Variants in SCN4B observed in about 807,000 individuals in gnomAD.
The protein encoded by SCN4B is sodium voltage-gated channel beta subunit 4.
A neutral mutation model predicts 19.6 loss-of-function variants in SCN4B; 20 were observed. The ratio of observed to expected loss-of-function variants is 1.02; its 90% CI spans 0.72 to 1.48. The LOEUF is 1.48. Ranked by LOEUF, SCN4B falls within the 40% of genes most tolerant of loss-of-function variation. SCN4B has a pLI of 0.00. For synonymous variants in SCN4B, 127 were observed against 122.8 expected, an observed-to-expected ratio of 1.03 and a Z score of -0.22; for missense variants, 271 against 287.5, an observed-to-expected ratio of 0.94 and a Z score of 0.42.
Position 118,136,876 on chromosome 11 carries a change from G to A in SCN4B, c.*151C>T. The stretch of plus-strand genomic sequence containing the variant: ...TGACTGGGAAGGGGATGGGCAGGCT[G>A]GGCAGGACTCTGGTTTCTTGTGCCC... On this transcript the variant is annotated 3_prime_UTR_variant, in exon 5 of 5. Coordinates refer to ENST00000324727, the MANE Select transcript of SCN4B (RefSeq NM_174934.4). 1 of 702,288 alleles carries A rather than the reference G, an allele frequency of 1.4e-6. No individual in the cohort carries two copies. The highest frequency in any genetic ancestry group is 2.6e-6 in the Non-Finnish European group (1 of 384,236). The allele number at this position is 702,288 out of a possible 1,614,324, so 43.5% of individuals were successfully genotyped here. A position where few individuals can be genotyped will look rare whatever the true frequency, so the allele number is the denominator to read the frequency against.
In SCN4B at chr11:118,146,645, G is replaced by A. The variant is rs991711416; in HGVS notation, c.62-1416C>T. Among the ~76,000 whole-genome samples the A allele has an allele frequency of 7.2e-5, 11 of 152,070 alleles. No individual in the cohort carries two copies. The East Asian group carries it at 2.1e-3, about 29-fold the overall frequency. ...TGCCCTTAGCTTCTGATGACAAAGT[G>A]AAGTGCTTATATCCCCCAGCCCTAA... is the stretch of plus-strand genomic sequence containing the variant. On this transcript the variant is annotated intron_variant, in intron 1 of 4. Transcript: ENST00000324727.
Position 118,133,876 on chromosome 11 carries a change from G to A in SCN4B, c.*3151C>T, listed in dbSNP as rs1947952227. 1 of 454,454 alleles carries A rather than the reference G, an allele frequency of 2.2e-6. No individual in the cohort carries two copies. The highest frequency in any genetic ancestry group is 1.6e-5 in the South Asian group (1 of 64,480). 28.2% of individuals were successfully genotyped at this position (454,454 alleles called of 1,614,324 possible). ...GCCTTTGATTCTTTCTCAGTCTCCA[G>A]ATGCCTCAACAGGCATAGCTCAGGC... is the stretch of plus-strand genomic sequence containing the variant. On this transcript the variant is annotated 3_prime_UTR_variant, in exon 5 of 5. Coordinates refer to ENST00000324727, the MANE Select transcript of SCN4B (RefSeq NM_174934.4).
In SCN4B at chr11:118,133,516, C is replaced by T. The variant is rs1458607345; in HGVS notation, c.*3511G>A. On this transcript the variant is annotated 3_prime_UTR_variant, in exon 5 of 5. Transcript: ENST00000324727. ...GTGCTGGCTGTGTGGGCATCTGCGC[C>T]TCCCAGAGGCACTCGCACACCTGAG... 5.1e-5 allele frequency: 23 copies of T among 454,138 alleles called. No homozygotes were observed. The highest frequency in any genetic ancestry group is 8.4e-5 in the Non-Finnish European group (19 of 226,814). The allele number at this position is 454,138 out of a possible 1,614,324, so 28.1% of individuals were successfully genotyped here.
intron 1 of SCN4B, among the ~76,000 whole-genome samples, chr11:118,147,105 G>C (rs1181278765): frequency 1.3e-5 from 2 of 152,220 alleles, no homozygotes; most frequent in African/African-American, 4.8e-5. Context: ...TTTCGAGAAA[G>C]TTCCCAGGGA....
chr11:118,145,020 G>C, intron 2 of SCN4B, 37 bp downstream of exon 2: 1 of 1,605,036 alleles, frequency 6.2e-7, no homozygotes, highest in Non-Finnish European at 8.5e-7. Flanking sequence ...ATGGGTGAGG[G>C]AGGCTGGGCT....
intron 1 of SCN4B, chr11:118,145,846 G>T (rs1565457018): frequency 5.8e-6 from 1 of 171,894 alleles, no homozygotes; most frequent in Non-Finnish European, 1.3e-5. Context: ...GTTCGGGCTG[G>T]ACCTCGCTGG....
At chr11:118,141,701 T>G in intron 3 of SCN4B, 1 of 309,094 alleles carries the variant, frequency 3.2e-6, no homozygotes, top group East Asian at 7.8e-5. Flanking sequence ...CTAGACCCCT[T>G]TGCTCACACA....
intron 1 of SCN4B, among the ~76,000 whole-genome samples, chr11:118,150,265 T>C (rs555555568): frequency 4.3e-4 from 65 of 152,140 alleles, no homozygotes; most frequent in Non-Finnish European, 8.4e-4. Context: ...GGCAATAATA[T>C]AGCCTTGGAA....
At position 118,135,057 on chromosome 11, in the gene SCN4B, A is replaced by C. The variant is rs767751401; in HGVS notation, c.*1970T>G. 4.4e-6 allele frequency: 2 copies of C among 454,010 alleles called. No homozygotes were observed. Among genetic ancestry groups the C allele is most frequent in the Non-Finnish European group, 8.8e-6 (2 of 226,804 alleles). The allele number at this position is 454,010 out of a possible 1,614,324, so 28.1% of individuals were successfully genotyped here. ...AAGGTGCTCTGCCTCTTCAAATGTC[A>C]CCATTGAGAAGGAAGAAGAAAACAG... On this transcript the variant is annotated 3_prime_UTR_variant, in exon 5 of 5. Transcript: ENST00000324727.
rs1947967205 is a variant in SCN4B at position 118,134,544 on chromosome 11, C to T, written c.*2483G>A. On this transcript the variant is annotated 3_prime_UTR_variant, in exon 5 of 5. Coordinates refer to ENST00000324727, the MANE Select transcript of SCN4B (RefSeq NM_174934.4). The stretch of plus-strand genomic sequence containing the variant: ...TAGTGCCCCCACGCATGGGGGCAAC[C>T]AAAAATGCCCCCCCTACAATCTCAG... 1 of 453,904 alleles carries T rather than the reference C, an allele frequency of 2.2e-6. No individual in the cohort carries two copies. The highest frequency in any genetic ancestry group is 1.6e-5 in the South Asian group (1 of 64,480). The allele number at this position is 453,904 out of a possible 1,614,324, so 28.1% of individuals were successfully genotyped here.
chr11:118,139,991 GC>G (rs1565454520), intron 4 of SCN4B, among the ~76,000 whole-genome samples: 1 of 148,506 alleles, frequency 6.7e-6, no homozygotes, highest in Non-Finnish European at 1.5e-5. Flanking sequence ...TCCTGCCTCA[GC>G]CCCCCAGGGA....
At chr11:118,147,033 GCTGGCTCCGCCCAGCCC>G in intron 1 of SCN4B, among the ~76,000 whole-genome samples, 1 of 152,246 alleles carries the variant, frequency 6.6e-6, no homozygotes, top group Non-Finnish European at 1.5e-5. Context: ...AACAGTTACG[GCTGGCTCCGCCCAGCCC>G]CTGGAGTTCT....
In SCN4B at chr11:118,141,283, C is replaced by T; in HGVS notation, c.517G>A (p.Val173Ile). 6.2e-7 allele frequency: 1 copy of T among 1,612,644 alleles called. No individual in the cohort carries two copies. Among genetic ancestry groups the T allele is most frequent in the African/African-American group, 1.3e-5 (1 of 74,946 alleles). The change falls in exon 4 of 5, where the codon GTC becomes ATC. Residue 173 changes from valine (V) to isoleucine (I), a missense_variant. By Grantham distance (29) the Val-to-Ile change is conservative (BLOSUM62 3). Transcript: ENST00000324727. ...TLIILAVVGG[V>I]IGLLILILLI... is the part of the protein sequence containing the mutation. ...AGGATGAGGATGAGGAGCCCGATGA[C>T]CCCGCCCACGACAGCCAGGATGATG... is the stretch of plus-strand genomic sequence containing the variant.
Position 118,134,608 on chromosome 11 carries a change from A to G in SCN4B, c.*2419T>C. On this transcript the variant is annotated 3_prime_UTR_variant, in exon 5 of 5. Coordinates refer to ENST00000324727, the MANE Select transcript of SCN4B (RefSeq NM_174934.4). ...AAACCATCAAACAAAAGCCATGGAC[A>G]AGAAGCTTTAAGCATCAGAGTCAAG... 1 of 454,108 alleles carries G rather than the reference A, an allele frequency of 2.2e-6. No homozygotes were observed. Among genetic ancestry groups the G allele is most frequent in the Non-Finnish European group, 4.4e-6 (1 of 226,782 alleles). The allele number at this position is 454,108 out of a possible 1,614,324, so 28.1% of individuals were successfully genotyped here. A position where few individuals can be genotyped will look rare whatever the true frequency, so the allele number is the denominator to read the frequency against.
chr11:118,147,540 CTCCATAGAACTCCTGCCTTTCTGT>C (rs1018562774), intron 1 of SCN4B, among the ~76,000 whole-genome samples: 1 of 152,196 alleles, frequency 6.6e-6, no homozygotes, highest in Non-Finnish European at 1.5e-5. Context: ...GGGCTTAGCA[CTCCATAGAACTCCTGCCTTTCTGT>C]TTACCTCTGC....
Position 118,148,082 on chromosome 11 carries a change from G to A in SCN4B, c.62-2853C>T, listed in dbSNP as rs1235174502. 6.6e-6 allele frequency among the ~76,000 whole-genome samples: 1 copy of A among 152,226 alleles called. No individual in the cohort carries two copies. Among genetic ancestry groups the A allele is most frequent in the Non-Finnish European group, 1.5e-5 (1 of 68,052 alleles). Reference sequence around the variant, plus strand: ...TGCCTGGTTTGTGTGCACCTATGTGGATGACTTAAGTCCAATACACTCAGG... The same window carrying A: ...TGCCTGGTTTGTGTGCACCTATGTGAATGACTTAAGTCCAATACACTCAGG... On this transcript the variant is annotated intron_variant, in intron 1 of 4. Transcript: ENST00000324727. This position sits in a 1 kb window ranked among gnomAD's most constrained non-coding sequence, Gnocchi z 4.0.
At chr11:118,149,436 G>A (rs1009000139) in intron 1 of SCN4B, among the ~76,000 whole-genome samples, 1 of 152,222 alleles carries the variant, frequency 6.6e-6, no homozygotes, top group Non-Finnish European at 1.5e-5. Flanking sequence ...GGCAGAAAGT[G>A]GGCTGAGGCC....
At chr11:118,143,743 G>T (rs546231686) in intron 3 of SCN4B, 90 bp downstream of exon 3, 1 of 864,718 alleles carries the variant, frequency 1.2e-6, no homozygotes, top group South Asian at 1.4e-5. Context: ...ACACCAACAC[G>T]GTCCATTTTG....
chr11:118,142,949 T>C (rs568172299), intron 3 of SCN4B: 1 of 152,404 alleles, frequency 6.6e-6, no homozygotes, highest in South Asian at 2.1e-4. Flanking sequence ...GCTCCGCCCT[T>C]GCATACTCGA....
Sources: allele counts gnomAD v4.1 joint callset (sites outside exome capture counted in the v4.1 genomes callset), GRCh38; gene constraint gnomAD v4.1.1; non-coding constraint Gnocchi (gnomAD v3.1); transcripts MANE v1.5; gene names NCBI Gene and HGNC (gene_info 2026-07-23, HGNC 2026-07-21).